Variants in RNF213 observed in about 807,000 individuals in gnomAD.
RNF213 encodes the protein E3 ubiquitin-protein ligase RNF213.
RNF213 carries 341 observed loss-of-function variants against 514.4 expected under a neutral mutation model. That is an observed-to-expected ratio of 0.66 (90% CI 0.61 to 0.73). RNF213 has a LOEUF of 0.73. RNF213 is among the 30% of genes least tolerant of loss of function. RNF213 has a pLI of 0.00. For synonymous variants in RNF213, 2,655 were observed against 2,658.2 expected (o/e 1.00, Z 0.04); for missense variants, 5,767 against 6,615.6 (o/e 0.87, Z 4.45).
chr17:80,334,680 G>A (rs2144007124), intron 22 of RNF213, among the ~76,000 whole-genome samples: 1 of 151,782 alleles, frequency 6.6e-6, no homozygotes, highest in African/African-American at 2.4e-5. Flanking sequence ...AGGCTGGAGT[G>A]CAGTGGCGTG....
chr17:80,284,526 A>T (rs2044404227), intron 3 of RNF213, among the ~76,000 whole-genome samples: 1 of 152,038 alleles, frequency 6.6e-6, no homozygotes, highest in South Asian at 2.1e-4. Context: ...CCTGGGTGAC[A>T]GAGTGAGACT....
At chr17:80,277,595 CAAAAAAAA>C (rs34659718) in intron 3 of RNF213, among the ~76,000 whole-genome samples, 2 of 69,724 alleles carry the variant, frequency 2.9e-5, no homozygotes, top group Non-Finnish European at 5.5e-5. Context: ...GACTCTGTCT[CAAAAAAAA>C]AAAAAAAAAA....
intron 3 of RNF213, among the ~76,000 whole-genome samples, chr17:80,287,269 G>C (rs1284338685): frequency 6.6e-6 from 1 of 152,168 alleles, no homozygotes; most frequent in African/African-American, 2.4e-5. Context: ...GCCGAGATGG[G>C]CAGATTGCCT....
At position 80,379,678 on chromosome 17, in the gene RNF213, T is replaced by A; in HGVS notation, c.13604T>A (p.Ile4535Asn). 6.2e-7 allele frequency: 1 copy of A among 1,614,238 alleles called. No homozygotes were observed. The highest frequency in any genetic ancestry group is 1.1e-5 in the South Asian group (1 of 91,092). ...CIDCHAPIGG[I>N]DHKPRDGFHL... ...GACTGCCATGCGCCGATTGGAGGCA[T>A]TGACCACAAACCTCGGGACGGCTTT... Residue 4535 changes from isoleucine to asparagine, a missense_variant, in exon 55 of 68, where the codon ATT becomes AAT. Transcript: ENST00000582970.
chr17:80,383,716 A>G lies in RNF213; in HGVS notation c.14110A>G (p.Ser4704Gly). 6.2e-7 allele frequency: 1 copy of G among 1,613,932 alleles called. No individual in the cohort carries two copies. Among genetic ancestry groups the G allele is most frequent in the Non-Finnish European group, 8.5e-7 (1 of 1,179,974 alleles). ...CCTTCCCACCATGAATAATCTCATC[A>G]GCCAAGATAAGCGTATCAGCTCTAA... ...KTLPTMNNLISQDKRISSNPV... is the reference protein window; with the variant it reads ...KTLPTMNNLIGQDKRISSNPV... The change falls in exon 59 of 68, where the codon AGC (serine) becomes GGC (glycine). Residue 4704 changes from serine to glycine, a missense_variant. Physicochemically the swap from Ser to Gly is moderately conservative, Grantham distance 56 (BLOSUM62 0). Coordinates refer to ENST00000582970, the MANE Select transcript of RNF213 (RefSeq NM_001256071.3).
Position 80,381,557 on chromosome 17 carries a change from A to G in RNF213, c.13808A>G (p.Asn4603Ser), listed in dbSNP as rs978622353. 1.3e-5 allele frequency: 21 copies of G among 1,614,042 alleles called. No individual in the cohort carries two copies. Among genetic ancestry groups the G allele is most frequent in the Admixed American group, 1.7e-5 (1 of 60,010 alleles). The change falls in exon 57 of 68, where the codon AAC (asparagine) becomes AGC (serine). Residue 4603 changes from asparagine (N) to serine (S), a missense_variant. By Grantham distance (46) the Asn-to-Ser change is conservative. Transcript: ENST00000582970. ...CCGTTGCCCCCACAGGCTCTGATAA[A>G]CATCATTAAGCCTCCAGTGAGGGAT... Reference protein sequence around the residue: ...GASQSSQALINIIKPPVRDPK... With the variant: ...GASQSSQALISIIKPPVRDPK...
chr17:80,319,409 T>G (rs1599015542), intron 17 of RNF213, 97 bp downstream of exon 17: 1 of 1,614,140 alleles, frequency 6.2e-7, no homozygotes, highest in East Asian at 2.2e-5. Flanking sequence ...GGGTCTCAGC[T>G]CCTCCGCTAA....
At position 80,264,840 on chromosome 17, in the gene RNF213, C is replaced by G. The variant is rs34016996; in HGVS notation, c.97+1062C>G. ...CCCACCCCATTCCTCTTGGCTCCCT[C>G]TCCTGTCCCCAGAGCCCACCACCTT... On this transcript the variant is annotated intron_variant, in intron 2 of 67. Transcript: ENST00000582970. The surrounding 1 kb of genome is among the most constrained non-coding windows in gnomAD (Gnocchi z 5.0). 6.6e-6 allele frequency among the ~76,000 whole-genome samples: 1 copy of G among 152,096 alleles called. No homozygotes were observed. Among genetic ancestry groups the G allele is most frequent in the Non-Finnish European group, 1.5e-5 (1 of 68,030 alleles).
Position 80,263,534 on chromosome 17 carries a change from C to G in RNF213, c.-108-40C>G. On this transcript the variant is annotated intron_variant, in intron 1 of 67. Transcript: ENST00000582970. The surrounding 1 kb of genome is among the most constrained non-coding windows in gnomAD (Gnocchi z 4.9). ...TGTGCTCCTGTTGGGTTTCCATTAA[C>G]CAGGGGACCAGCTGGGCTGCTGTGA... 1 of 722,040 alleles carries G rather than the reference C, an allele frequency of 1.4e-6. No individual in the cohort carries two copies. The highest frequency in any genetic ancestry group is 2.5e-6 in the Non-Finnish European group (1 of 396,968). The allele number at this position is 722,040 out of a possible 1,614,324, so 44.7% of individuals were successfully genotyped here. A position where few individuals can be genotyped will look rare whatever the true frequency, so the allele number is the denominator to read the frequency against.
Position 80,389,915 on chromosome 17 carries a change from A to G in RNF213, c.15283A>G (p.Lys5095Glu), listed in dbSNP as rs2080393686. 66 of 1,614,192 alleles carry G rather than the reference A, an allele frequency of 4.1e-5. No individual in the cohort carries two copies. Among genetic ancestry groups the G allele is most frequent in the Non-Finnish European group, 5.4e-5 (64 of 1,180,012 alleles). The change falls in exon 66 of 68, where the codon AAA becomes GAA. Residue 5095 changes from lysine to glutamate, a missense_variant and splice_region_variant. Lys to Glu is a moderately conservative substitution (Grantham distance 56). This residue lies in a region of RNF213 where 1,245 missense variants were observed against 1,339.0 expected (regional missense o/e 0.93). Transcript: ENST00000582970. ...HKSEQLLRLH[K>E]EPFGEISSRY... The stretch of plus-strand genomic sequence containing the variant: ...GTCTGAACAGCTGCTGCGGCTGCAC[A>G]AAGTAAGTCTGGTCTCTTCCTCTCT...
In RNF213 at chr17:80,369,843, T is replaced by C; in HGVS notation, c.12401T>C (p.Ile4134Thr). 4 of 1,612,522 alleles carry C rather than the reference T, an allele frequency of 2.5e-6. No individual in the cohort carries two copies. Among genetic ancestry groups the C allele is most frequent in the Non-Finnish European group, 3.4e-6 (4 of 1,178,578 alleles). ...AAGACTCCTGTCATCCGCTCAGTGA[T>C]ACTGAAACTGCTTTTGAAGTACAGG... is the stretch of plus-strand genomic sequence containing the variant. ...VDKTPVIRSV[I>T]LKLLLKYSFH... The change falls in exon 46 of 68, where the codon ATA becomes ACA. Residue 4134 changes from isoleucine (I) to threonine (T), a missense_variant. Ile to Thr is a moderately conservative substitution (Grantham distance 89). Around this residue, in one of 13 missense-constraint regions of RNF213, gnomAD observed 12 missense variants for 34.6 expected, o/e 0.35. Coordinates refer to ENST00000582970, the MANE Select transcript of RNF213 (RefSeq NM_001256071.3).
At chr17:80,348,547 G>A (rs972344679) in intron 29 of RNF213, among the ~76,000 whole-genome samples, 4 of 152,258 alleles carry the variant, frequency 2.6e-5, no homozygotes, top group Admixed American at 2.0e-4. Context: ...CCACGTCCCA[G>A]GACTGGGCCA....
intron 41 of RNF213, 91 bp downstream of exon 41, chr17:80,363,881 CAGGTGCTCCTGCCATGGG>C: frequency 7.7e-7 from 1 of 1,290,730 alleles, no homozygotes; most frequent in South Asian, 1.3e-5. Context: ...AGAAGACGGG[CAGGTGCTCCTGCCATGGG>C]AGGGGCTCCG....
intron 42 of RNF213, among the ~76,000 whole-genome samples, chr17:80,366,099 G>C (rs1046303026): frequency 9.9e-5 from 15 of 152,240 alleles, no homozygotes; most frequent in African/African-American, 3.6e-4. Flanking sequence ...CTGAAGAGCA[G>C]CCCTTGGGAC....
Position 80,264,499 on chromosome 17 carries a change from A to G in RNF213, c.97+721A>G, listed in dbSNP as rs2043539222. On this transcript the variant is annotated intron_variant, in intron 2 of 67. Transcript: ENST00000582970. The surrounding 1 kb of genome is among the most constrained non-coding windows in gnomAD (Gnocchi z 5.0). The stretch of plus-strand genomic sequence containing the variant: ...CTCCCGGGTTTTAAACACCAACCCT[A>G]AAACTAGCAGCCCCCAGACCTTCAG... 6.6e-6 allele frequency among the ~76,000 whole-genome samples: 1 copy of G among 151,986 alleles called. No homozygotes were observed. Among genetic ancestry groups the G allele is most frequent in the African/African-American group, 2.4e-5 (1 of 41,378 alleles).
rs1358686822 is a variant in RNF213, at chr17:80,345,765, A to G, written c.7430A>G (p.Gln2477Arg). The G allele has an allele frequency of 6.2e-7, 1 of 1,614,104 alleles. No individual in the cohort carries two copies. The highest frequency in any genetic ancestry group is 8.5e-7 in the Non-Finnish European group (1 of 1,180,056). The change falls in exon 29 of 68, where the codon CAA becomes CGA. Residue 2477 changes from glutamine to arginine, a missense_variant. By Grantham distance (43) the Gln-to-Arg change is conservative (BLOSUM62 1). Coordinates refer to ENST00000582970, the MANE Select transcript of RNF213 (RefSeq NM_001256071.3). This position sits in a 1 kb window ranked among gnomAD's most constrained non-coding sequence, Gnocchi z 6.0. ...AENVAFANKD[Q>R]HQLDTILFFD... ...AATGTGGCCTTCGCCAATAAGGACC[A>G]ACATCAGTTGGACACCATCTTGTTT...
Position 80,288,342 on chromosome 17 carries a change from G to A in RNF213, c.789G>A (p.Gln263=), listed in dbSNP as rs776289502. 18 of 1,612,596 alleles carry A rather than the reference G, an allele frequency of 1.1e-5. No individual in the cohort carries two copies. In the South Asian group the frequency reaches 1.6e-4, roughly 15 times the overall value. ...PGTELQTTEQ[Q]AGASASMAVD... ...CAGAACTGCAGACCACCGAGCAACA[G>A]GCAGGGGCCTCAGCCTCTATGGTGA... Residue 263 remains glutamine (Q), a synonymous_variant, in exon 4 of 68, where the codon CAG becomes CAA. Coordinates refer to ENST00000582970, the MANE Select transcript of RNF213 (RefSeq NM_001256071.3). This position sits in a 1 kb window ranked among gnomAD's most constrained non-coding sequence, Gnocchi z 4.9.
Position 80,309,063 on chromosome 17 carries a change from G to A in RNF213, c.2547G>A (p.Leu849=). Residue 849 remains leucine (L), a synonymous_variant, in exon 14 of 68, where the codon CTG becomes CTA. Transcript: ENST00000582970. ...ALSPSYLTVC[L]KLHEAICSST... is the part of the protein sequence containing the mutation. ...CACCATCCTACCTGACTGTGTGTCTGAAACTGCATGAAGCCATCTGCAGCA... is the reference window on the plus strand; with the variant it reads ...CACCATCCTACCTGACTGTGTGTCTAAAACTGCATGAAGCCATCTGCAGCA... 3.1e-6 allele frequency: 5 copies of A among 1,614,194 alleles called. No homozygotes were observed. The highest frequency in any genetic ancestry group is 4.2e-6 in the Non-Finnish European group (5 of 1,180,044).
chr17:80,322,224 G>A (rs1338261579), intron 17 of RNF213, among the ~76,000 whole-genome samples: 3 of 117,740 alleles, frequency 2.5e-5, no homozygotes, highest in South Asian at 2.9e-4. Flanking sequence ...ACAATGGCAC[G>A]ATCACAGCTC....
Sources: gnomAD v4.1 joint callset for allele counts (sites outside exome capture counted in the v4.1 genomes callset) on GRCh38, gnomAD v4.1.1 for gene constraint, gnomAD v4.1.1 regional missense constraint, Gnocchi (gnomAD v3.1) non-coding constraint, MANE v1.5 for transcripts, NCBI Gene and HGNC (gene_info 2026-07-23, HGNC 2026-07-21) for gene names.